TBCE: variants seen among roughly 807,000 people sequenced by gnomAD.
TBCE encodes the protein tubulin-specific chaperone E.
In TBCE, 53 loss-of-function variants were observed where a neutral mutation model predicts 77.0. That is an observed-to-expected ratio of 0.69 (90% CI 0.55 to 0.87). The LOEUF is 0.87. Ranked by LOEUF, TBCE falls within the 40% of genes least tolerant of loss-of-function variation. The pLI, the probability that TBCE is intolerant of heterozygous loss-of-function variation, is 0.00. For synonymous variants in TBCE, 235 were observed against 241.3 expected (o/e 0.97, Z 0.24); for missense variants, 624 against 622.4 (o/e 1.00, Z -0.03).
At chr1:235,436,513 CT>C (rs1558388812) in intron 10 of TBCE, 30 bp from the exon 11 acceptor site, 3 of 1,612,070 alleles carry the variant, frequency 1.9e-6, no homozygotes, top group Non-Finnish European at 2.5e-6. Flanking sequence ...ACTTTCACTT[CT>C]ACTGTGTAAC....
At chr1:235,437,586 C>T (rs1202004832) in intron 12 of TBCE, 112 bp downstream of exon 12, 2 of 1,263,280 alleles carry the variant, frequency 1.6e-6, no homozygotes, top group Admixed American at 2.0e-5. Flanking sequence ...CTGGGGCAGG[C>T]TGATCGCTGC....
intron 5 of TBCE, among the ~76,000 whole-genome samples, chr1:235,422,941 C>G (rs188324944): frequency 2.0e-5 from 3 of 152,320 alleles, no homozygotes; most frequent in African/African-American, 7.2e-5. Flanking sequence ...TTATACTGCA[C>G]TTTTCTGGAG....
At chr1:235,389,234 A>G (rs1678222217) in intron 2 of TBCE, among the ~76,000 whole-genome samples, 1 of 152,194 alleles carries the variant, frequency 6.6e-6, no homozygotes, top group Admixed American at 6.5e-5. Flanking sequence ...TGAATGTGAC[A>G]CTTTCTTCAT....
At chr1:235,381,939 T>C (rs1036398273) in intron 2 of TBCE, among the ~76,000 whole-genome samples, 6 of 144,380 alleles carry the variant, frequency 4.2e-5, no homozygotes, top group Non-Finnish European at 9.1e-5. Context: ...GCATTAGGTA[T>C]ATCTCCTAAT....
At chr1:235,415,175 T>C (rs1029735700) in intron 4 of TBCE, 3 of 157,180 alleles carry the variant, frequency 1.9e-5, no homozygotes, top group Non-Finnish European at 4.2e-5. Context: ...TTTATTTTTA[T>C]ACAGACAGGA....
intron 8 of TBCE, 62 bp from the exon 9 acceptor site, chr1:235,435,683 C>T: frequency 2.0e-6 from 3 of 1,478,612 alleles, no homozygotes; most frequent in Non-Finnish European, 2.8e-6. Flanking sequence ...GATTTTAAGG[C>T]TGTATCTTTG....
chr1:235,450,912 G>C lies in TBCE; in HGVS notation c.*2150G>C, dbSNP rs570272897. 5 of 152,410 alleles carry C rather than the reference G, an allele frequency of 3.3e-5. No individual in the cohort carries two copies. The highest frequency in any genetic ancestry group is 1.2e-4 in the African/African-American group (5 of 41,578). The allele number at this position is 152,410 out of a possible 1,614,324, so 9.4% of individuals were successfully genotyped here. The stretch of plus-strand genomic sequence containing the variant: ...AACCACTAGACTATTTCCTAGCTAC[G>C]TGAATTGGTTTCTATTTCCAGCAAT... On this transcript the variant is annotated 3_prime_UTR_variant, in exon 17 of 17. Transcript: ENST00000642610.
chr1:235,409,944 G>A (rs376890686), intron 3 of TBCE, among the ~76,000 whole-genome samples: 1 of 145,182 alleles, frequency 6.9e-6, no homozygotes, highest in Admixed American at 6.9e-5. Context: ...GCAGGAGAAT[G>A]GCGTGAACCC....
intron 3 of TBCE, among the ~76,000 whole-genome samples, chr1:235,407,187 A>T (rs1236257355): frequency 1.4e-5 from 2 of 145,818 alleles, no homozygotes; most frequent in Non-Finnish European, 3.0e-5. Context: ...AGGTAGTAGT[A>T]CAGTGGCACA....
chr1:235,377,656 C>CT (rs11449267), intron 1 of TBCE, among the ~76,000 whole-genome samples: 106,038 of 145,624 alleles, frequency 0.73, 39,490 homozygotes, highest in African/African-American at 0.92. Flanking sequence ...TCTACCTATT[C>CT]TTTTTTTTTT....
intron 13 of TBCE, among the ~76,000 whole-genome samples, chr1:235,440,145 T>C (rs1188262495): frequency 6.6e-6 from 1 of 152,118 alleles, no homozygotes; most frequent in Non-Finnish European, 1.5e-5. Context: ...TAATTTTTTG[T>C]ATTTTTAGTA....
At chr1:235,387,024 A>C (rs1451088664) in intron 2 of TBCE, among the ~76,000 whole-genome samples, 1 of 152,116 alleles carries the variant, frequency 6.6e-6, no homozygotes, top group Admixed American at 6.6e-5. Flanking sequence ...AACAGACAGG[A>C]CCCTCAGCTG....
At chr1:235,388,828 G>A (rs1441569723) in intron 2 of TBCE, among the ~76,000 whole-genome samples, 3 of 152,222 alleles carry the variant, frequency 2.0e-5, no homozygotes, top group Non-Finnish European at 4.4e-5. Context: ...GTTGGGCAGA[G>A]GGCTAAGCTG....
rs1230889948 is a variant in TBCE, at chr1:235,451,931, A to G, written c.*3169A>G. 6.6e-6 allele frequency: 1 copy of G among 152,114 alleles called. No homozygotes were observed. The highest frequency in any genetic ancestry group is 2.4e-5 in the African/African-American group (1 of 41,434). The allele number at this position is 152,114 out of a possible 1,614,324, so 9.4% of individuals were successfully genotyped here. A position where few individuals can be genotyped will look rare whatever the true frequency, so the allele number is the denominator to read the frequency against. On this transcript the variant is annotated 3_prime_UTR_variant, in exon 17 of 17. Transcript: ENST00000642610. ...AATACTGTGTTTTAAATGATGTCTT[A>G]TATTTCATGCAGTGTCTTATTTTTA...
At position 235,448,693 on chromosome 1, in the gene TBCE, G is replaced by A. The variant is rs773529565; in HGVS notation, c.1515G>A (p.Leu505=). ...SPKKPGREIE[L]ENDLKSLQFY... ...AGAAGCCGGGCAGAGAAATCGAGCT[G>A]GAAAATGACCTAAAGTCATTACAGT... The change falls in exon 17 of 17, where the codon CTG becomes CTA. Residue 505 remains leucine (L), a synonymous_variant. Coordinates refer to ENST00000642610, the MANE Select transcript of TBCE (RefSeq NM_003193.5). 1.2e-6 allele frequency: 2 copies of A among 1,614,004 alleles called. No individual in the cohort carries two copies. The highest frequency in any genetic ancestry group is 2.2e-5 in the East Asian group (1 of 44,884).
intron 1 of TBCE, among the ~76,000 whole-genome samples, chr1:235,372,652 C>T (rs1018811217): frequency 3.3e-5 from 5 of 151,648 alleles, no homozygotes; most frequent in African/African-American, 4.8e-5. Context: ...AGGCTGGGCA[C>T]GGTGGCTCAC....
intron 1 of TBCE, among the ~76,000 whole-genome samples, chr1:235,375,712 AT>A (rs1677250012): frequency 6.6e-6 from 1 of 152,114 alleles, no homozygotes; most frequent in African/African-American, 2.4e-5. Flanking sequence ...GAAAGACATT[AT>A]TAGAAACGTT....
intron 2 of TBCE, among the ~76,000 whole-genome samples, chr1:235,390,205 C>T (rs1678296090): frequency 6.6e-6 from 1 of 151,986 alleles, no homozygotes; most frequent in Admixed American, 6.6e-5. Flanking sequence ...ATATTATTTC[C>T]TGTGATAGCA....
rs913609079 is a variant in TBCE, at chr1:235,450,694, A to G, written c.*1932A>G. 3 of 219,070 alleles carry G rather than the reference A, an allele frequency of 1.4e-5. No individual in the cohort carries two copies. Among genetic ancestry groups the G allele is most frequent in the Non-Finnish European group, 1.9e-5 (2 of 107,332 alleles). The allele number at this position is 219,070 out of a possible 1,614,324, so 13.6% of individuals were successfully genotyped here. A position where few individuals can be genotyped will look rare whatever the true frequency, so the allele number is the denominator to read the frequency against. On this transcript the variant is annotated 3_prime_UTR_variant, in exon 17 of 17. Coordinates refer to ENST00000642610, the MANE Select transcript of TBCE (RefSeq NM_003193.5). ...TAGTAACAGCTATTATTCTGATGGAATGCTTACAATATTGCAGGGACTGTA... is the reference window on the plus strand; with the variant it reads ...TAGTAACAGCTATTATTCTGATGGAGTGCTTACAATATTGCAGGGACTGTA...
Sources: allele counts gnomAD v4.1 joint callset (sites outside exome capture counted in the v4.1 genomes callset), GRCh38; gene constraint gnomAD v4.1.1; transcripts MANE v1.5; gene names NCBI Gene and HGNC (gene_info 2026-07-23, HGNC 2026-07-21).